SYT14: variants seen among roughly 807,000 people sequenced by gnomAD.
SYT14 encodes the protein synaptotagmin 14, also known as synaptotagmin-14.
Under a neutral mutation model 74.2 loss-of-function variants are expected in SYT14, and 32 were observed. The observed-to-expected ratio is 0.43, with a 90% CI of 0.33 to 0.58. The LOEUF (loss-of-function observed/expected upper bound fraction) is 0.58. SYT14 is among the 20% of genes least tolerant of loss of function. SYT14 has a pLI of 0.05. For synonymous variants in SYT14, 298 were observed against 337.7 expected, an observed-to-expected ratio of 0.88 and a Z score of 1.29; for missense variants, 791 against 981.8, an observed-to-expected ratio of 0.81 and a Z score of 2.60.
intron 7 of SYT14, among the ~76,000 whole-genome samples, chr1:210,105,116 C>T (rs568251940): frequency 2.6e-5 from 4 of 152,084 alleles, no homozygotes; most frequent in Middle Eastern, 3.4e-3. Context: ...ATTCCCTCTC[C>T]GAAACTTTCT....
At chr1:210,052,313 C>T (rs1290763134) in intron 5 of SYT14, among the ~76,000 whole-genome samples, 7 of 151,196 alleles carry the variant, frequency 4.6e-5, no homozygotes, top group African/African-American at 9.7e-5. Context: ...CTCCGCCTCC[C>T]GGGTTCACGC....
At chr1:209,945,605 T>G (rs1169268715) in intron 1 of SYT14, among the ~76,000 whole-genome samples, 2 of 152,194 alleles carry the variant, frequency 1.3e-5, no homozygotes, top group Non-Finnish European at 2.9e-5. Context: ...TGGAGAAGAA[T>G]CTTTAGATGA....
At chr1:210,122,169 G>A (rs2082481767) in intron 7 of SYT14, among the ~76,000 whole-genome samples, 1 of 45,472 alleles carries the variant, frequency 2.2e-5, no homozygotes, top group African/African-American at 1.5e-4. Flanking sequence ...TAGTAGAGAC[G>A]GGGTTTCACC....
intron 5 of SYT14, among the ~76,000 whole-genome samples, chr1:210,051,595 A>T (rs1192291689): frequency 6.6e-6 from 1 of 152,002 alleles, no homozygotes; most frequent in African/African-American, 2.4e-5. Context: ...AAAAATAATT[A>T]TGTGTGTCTT....
intron 5 of SYT14, among the ~76,000 whole-genome samples, chr1:210,071,071 T>G (rs1021317349): frequency 6.6e-6 from 1 of 151,734 alleles, no homozygotes; most frequent in Non-Finnish European, 1.5e-5. Flanking sequence ...GTAATACCAT[T>G]TTTTACTATT....
At chr1:210,088,401 C>A (rs4844944) in intron 5 of SYT14, among the ~76,000 whole-genome samples, 2 of 151,912 alleles carry the variant, frequency 1.3e-5, no homozygotes, top group Non-Finnish European at 2.9e-5. Flanking sequence ...TCCCTGTGCC[C>A]ATATGTTCTC....
intron 1 of SYT14, among the ~76,000 whole-genome samples, chr1:209,943,734 C>A (rs1316288578): frequency 2.0e-5 from 3 of 151,780 alleles, no homozygotes; most frequent in African/African-American, 4.8e-5. Context: ...TGACTTTATT[C>A]TTTTATTCTT....
At chr1:210,143,825 G>T (rs1255882783) in intron 7 of SYT14, among the ~76,000 whole-genome samples, 4 of 152,086 alleles carry the variant, frequency 2.6e-5, no homozygotes, top group African/African-American at 9.7e-5. Flanking sequence ...GTAAGGCAGA[G>T]AAAAGTGATA....
At chr1:210,072,031 T>C (rs191316980) in intron 5 of SYT14, among the ~76,000 whole-genome samples, 2 of 151,904 alleles carry the variant, frequency 1.3e-5, no homozygotes, top group Non-Finnish European at 2.9e-5. Flanking sequence ...TTGGCTTATT[T>C]TAATGTTTAT....
At chr1:210,159,268 C>T (rs887585661) in intron 8 of SYT14, 153 bp from the exon 8 acceptor site, 6 of 762,330 alleles carry the variant, frequency 7.9e-6, no homozygotes, top group South Asian at 1.6e-5. Context: ...CCTTTTTGTT[C>T]AATCCTCTAT....
At chr1:209,939,050 A>G (rs1163900216) in intron 1 of SYT14, among the ~76,000 whole-genome samples, 1 of 152,316 alleles carries the variant, frequency 6.6e-6, no homozygotes, top group East Asian at 1.9e-4. Flanking sequence ...AAGTTCCTAG[A>G]TAAGGTAGTT....
At chr1:209,939,359 C>T (rs927264334) in intron 1 of SYT14, among the ~76,000 whole-genome samples, 4 of 152,210 alleles carry the variant, frequency 2.6e-5, no homozygotes, top group Admixed American at 6.5e-5. Context: ...TAAAGCGTTT[C>T]CCTTCTAAGT....
At chr1:210,023,338 A>G (rs1231424833) in intron 5 of SYT14, among the ~76,000 whole-genome samples, 1 of 152,062 alleles carries the variant, frequency 6.6e-6, no homozygotes, top group African/African-American at 2.4e-5. Context: ...ATATAGAGGA[A>G]ATTAAAAAAA....
chr1:210,068,180 A>G (rs936401683), intron 5 of SYT14, among the ~76,000 whole-genome samples: 8 of 151,772 alleles, frequency 5.3e-5, no homozygotes, highest in Non-Finnish European at 1.0e-4. Context: ...TCTCTTTCTA[A>G]TCTTTGGAAA....
chr1:210,168,224 T>C (rs1302094408), exon 10 of SYT14: 2 of 151,966 alleles, frequency 1.3e-5, no homozygotes, highest in South Asian at 2.1e-4. Context: ...GTTTATGACA[T>C]GAAAATTTCT....
chr1:209,972,032 G>A (rs1231724799), intron 2 of SYT14, among the ~76,000 whole-genome samples: 1 of 152,018 alleles, frequency 6.6e-6, no homozygotes, highest in Non-Finnish European at 1.5e-5. Context: ...TTTTTGGTTG[G>A]TAGGGTTTTT....
chr1:210,026,285 C>T (rs1344221924), intron 5 of SYT14, among the ~76,000 whole-genome samples: 1 of 151,930 alleles, frequency 6.6e-6, no homozygotes, highest in Non-Finnish European at 1.5e-5. Context: ...AAATATGGTT[C>T]GTGGATATCC....
chr1:210,082,413 G>C (rs2081633223), intron 5 of SYT14, among the ~76,000 whole-genome samples: 1 of 152,022 alleles, frequency 6.6e-6, no homozygotes, highest in Admixed American at 6.6e-5. Context: ...TATCTTTCAG[G>C]GCCACCTCTG....
At chr1:209,943,782 A>G (rs1247264432) in intron 1 of SYT14, among the ~76,000 whole-genome samples, 1 of 152,188 alleles carries the variant, frequency 6.6e-6, no homozygotes, top group East Asian at 1.9e-4. Flanking sequence ...CTAATATGAA[A>G]GTGCTTACAT....
Sources: allele counts gnomAD v4.1 joint callset (sites outside exome capture counted in the v4.1 genomes callset), GRCh38; gene constraint gnomAD v4.1.1; transcripts MANE v1.5; gene names NCBI Gene and HGNC (gene_info 2026-07-23, HGNC 2026-07-21).